SH3RF3: variants seen among roughly 807,000 people sequenced by gnomAD.
SH3RF3 encodes E3 ubiquitin-protein ligase SH3RF3.
A neutral mutation model predicts 66.3 loss-of-function variants in SH3RF3; 29 were observed. The observed-to-expected ratio is 0.44, with a 90% CI of 0.33 to 0.60. The LOEUF (loss-of-function observed/expected upper bound fraction) is 0.60, where lower values mean the gene tolerates loss of function less well. SH3RF3 is among the 20% of genes least tolerant of loss of function. SH3RF3 has a pLI of 0.04. For synonymous variants in SH3RF3, 583 were observed against 532.0 expected (o/e 1.10, Z -1.32); for missense variants, 1,194 against 1,190.9 (o/e 1.00, Z -0.04).
At chr2:109,414,530 A>G (rs1373028683) in intron 4 of SH3RF3, among the ~76,000 whole-genome samples, 1 of 152,140 alleles carries the variant, frequency 6.6e-6, no homozygotes, top group Non-Finnish European at 1.5e-5. Flanking sequence ...CACAGACGCC[A>G]TCTTGGCTAC....
At chr2:109,348,558 G>A (rs1682768316) in intron 2 of SH3RF3, among the ~76,000 whole-genome samples, 1 of 152,208 alleles carries the variant, frequency 6.6e-6, no homozygotes, top group Non-Finnish European at 1.5e-5. Flanking sequence ...GGTTCTGGCT[G>A]TCCTGGCAGT....
intron 2 of SH3RF3, among the ~76,000 whole-genome samples, chr2:109,370,911 A>G (rs1262415758): frequency 1.3e-5 from 2 of 152,156 alleles, no homozygotes; most frequent in East Asian, 3.8e-4. Flanking sequence ...GGACTGAGTT[A>G]TTTTTTTGTT....
chr2:109,354,763 G>A (rs915589650), intron 2 of SH3RF3, among the ~76,000 whole-genome samples: 2 of 152,230 alleles, frequency 1.3e-5, no homozygotes. Context: ...TCACAAAGGC[G>A]CATCTGTGTC....
At chr2:109,219,000 G>A (rs567195415) in intron 1 of SH3RF3, among the ~76,000 whole-genome samples, 15 of 152,292 alleles carry the variant, frequency 9.8e-5, no homozygotes, top group African/African-American at 3.6e-4. Flanking sequence ...TGCCTGTTAT[G>A]GGCACTGACC....
At chr2:109,231,168 C>T (rs1431910979) in intron 1 of SH3RF3, among the ~76,000 whole-genome samples, 1 of 152,238 alleles carries the variant, frequency 6.6e-6, no homozygotes, top group African/African-American at 2.4e-5. Context: ...GGAGCCAGGC[C>T]AGAGCGGCTT....
chr2:109,321,808 A>G (rs1299842944), intron 1 of SH3RF3, among the ~76,000 whole-genome samples: 1 of 152,214 alleles, frequency 6.6e-6, no homozygotes, highest in Non-Finnish European at 1.5e-5. Flanking sequence ...GATTGGTCAC[A>G]TTTTGACATC....
intron 8 of SH3RF3, among the ~76,000 whole-genome samples, chr2:109,459,842 G>A (rs946152224): frequency 1.3e-5 from 2 of 152,190 alleles, no homozygotes; most frequent in Non-Finnish European, 2.9e-5. Flanking sequence ...TGGGTTACTA[G>A]GGGTCATAAT....
chr2:109,398,971 T>A (rs942451279), intron 4 of SH3RF3, 28 bp downstream of exon 4: 6 of 1,583,424 alleles, frequency 3.8e-6, no homozygotes, highest in Admixed American at 3.4e-5. Context: ...AGGGCAGGCA[T>A]CCCTGGGTTC....
At chr2:109,446,434 C>T (rs1677707203) in intron 7 of SH3RF3, among the ~76,000 whole-genome samples, 1 of 152,148 alleles carries the variant, frequency 6.6e-6, no homozygotes, top group African/African-American at 2.4e-5. Context: ...CAGCCTCCAG[C>T]GAACATGTAA....
intron 1 of SH3RF3, among the ~76,000 whole-genome samples, chr2:109,298,044 G>A (rs189977165): frequency 1.3e-4 from 20 of 152,304 alleles, no homozygotes; most frequent in African/African-American, 4.1e-4. Context: ...GTGTGGGAAC[G>A]TACCCTGTGG....
Position 109,241,888 on chromosome 2 carries a change from C to G in SH3RF3, c.574-105786C>G, listed in dbSNP as rs571734719. 3.5e-4 allele frequency among the ~76,000 whole-genome samples: 53 copies of G among 152,038 alleles called. No individual in the cohort carries two copies. In the South Asian group the frequency reaches 5.6e-3, roughly 16 times the overall value. ...TCACGCCATTCTCCTGCCTCAGCCT[C>G]CCGAGTAGCTGGGACTACAGGGGCC... is the stretch of plus-strand genomic sequence containing the variant. On this transcript the variant is annotated intron_variant, in intron 1 of 9. Transcript: ENST00000309415.
In SH3RF3 at chr2:109,501,873, G is replaced by A; in HGVS notation, c.*202G>A. 1.8e-6 allele frequency: 1 copy of A among 553,902 alleles called. No individual in the cohort carries two copies. The highest frequency in any genetic ancestry group is 2.5e-5 in the South Asian group (1 of 39,432). The allele number at this position is 553,902 out of a possible 1,614,324, so 34.3% of individuals were successfully genotyped here. ...AAACCCCCAAACGGAGAGCACACCT[G>A]GGATGTTCTTCAAGGAAATGCCCAC... On this transcript the variant is annotated 3_prime_UTR_variant, in exon 10 of 10. Transcript: ENST00000309415.
chr2:109,261,647 G>C (rs1175361897), intron 1 of SH3RF3, among the ~76,000 whole-genome samples: 1 of 152,204 alleles, frequency 6.6e-6, no homozygotes, highest in Non-Finnish European at 1.5e-5. Context: ...TCTGATGGCT[G>C]TGTGCTGGCC....
At chr2:109,269,733 C>G (rs989803629) in intron 1 of SH3RF3, among the ~76,000 whole-genome samples, 3 of 152,174 alleles carry the variant, frequency 2.0e-5, no homozygotes, top group African/African-American at 7.2e-5. Flanking sequence ...GAGGTGAGAT[C>G]GTGCCACTGC....
At chr2:109,334,181 C>A (rs1405109594) in intron 1 of SH3RF3, among the ~76,000 whole-genome samples, 2 of 152,046 alleles carry the variant, frequency 1.3e-5, no homozygotes, top group African/African-American at 4.8e-5. Context: ...CATGGTGAGA[C>A]CCCGTCCCTA....
chr2:109,403,786 T>C (rs1573224410), intron 4 of SH3RF3, among the ~76,000 whole-genome samples: 1 of 152,212 alleles, frequency 6.6e-6, no homozygotes, highest in African/African-American at 2.4e-5. Context: ...ACGGCCAGGT[T>C]GAGCACTTAT....
At chr2:109,456,610 C>G (rs6542831) in intron 8 of SH3RF3, among the ~76,000 whole-genome samples, 81,061 of 151,994 alleles carry the variant, frequency 0.53, 21,938 homozygotes, top group Non-Finnish European at 0.56. Flanking sequence ...CCCAGGACAG[C>G]AAGTGAAGCT....
intron 1 of SH3RF3, among the ~76,000 whole-genome samples, chr2:109,277,061 G>T (rs1270830120): frequency 1.3e-5 from 2 of 152,180 alleles, no homozygotes; most frequent in African/African-American, 4.8e-5. Flanking sequence ...TCTGTGCTGG[G>T]ATAAAGCTGA....
chr2:109,377,378 G>A (rs534639549), intron 3 of SH3RF3, among the ~76,000 whole-genome samples: 5 of 152,276 alleles, frequency 3.3e-5, no homozygotes, highest in African/African-American at 1.2e-4. Context: ...TCATCCCAGT[G>A]TCTGCTAACC....
Sources: gnomAD v4.1 joint callset for allele counts (sites outside exome capture counted in the v4.1 genomes callset) on GRCh38, gnomAD v4.1.1 for gene constraint, MANE v1.5 for transcripts, NCBI Gene and HGNC (gene_info 2026-07-23, HGNC 2026-07-21) for gene names.